The following C5orf34 variants were observed in gnomAD, a reference collection of about 807,000 sequenced individuals.
The protein encoded by C5orf34 is chromosome 5 open reading frame 34.
In C5orf34, 73 loss-of-function variants were observed where a neutral mutation model predicts 78.4. That is an observed-to-expected ratio of 0.93 (90% confidence interval 0.77 to 1.13). The LOEUF (loss-of-function observed/expected upper bound fraction) is 1.13, where lower values mean the gene tolerates loss of function less well. Ranked by LOEUF, C5orf34 falls within the 50% of genes most tolerant of loss-of-function variation. The pLI is 0.00. For missense variants in C5orf34, 730 were observed against 732.7 expected (o/e 1.00, Z 0.04); for synonymous variants, 251 against 246.6 (o/e 1.02, Z -0.17).
intron 2 of C5orf34, 51 bp downstream of exon 2, chr5:43,509,094 G>C (rs745619641): frequency 6.9e-6 from 10 of 1,459,204 alleles, no homozygotes; most frequent in Non-Finnish European, 9.4e-6. Flanking sequence ...GACAGAGCAA[G>C]AACCTGTCTC....
Position 43,509,555 on chromosome 5 carries a change from C to T in C5orf34, c.-36-180G>A, listed in dbSNP as rs192322862. On this transcript the variant is annotated intron_variant, in intron 1 of 12. Transcript: ENST00000306862. The stretch of plus-strand genomic sequence containing the variant: ...ATCCTTAACAAAATGCCTTAATTAA[C>T]CCCTAGAAGTTTACTCCAATGGAGG... Among the ~76,000 whole-genome samples the T allele has an allele frequency of 3.7e-4, 57 of 152,100 alleles. 1 individual carries two copies. Among genetic ancestry groups the T allele is most frequent in the Middle Eastern group, 3.4e-3 (1 of 294 alleles).
At chr5:43,487,162 A>C (rs375813679) in intron 12 of C5orf34, 51 bp from the exon 13 acceptor site, 86 of 853,368 alleles carry the variant, frequency 1.0e-4, no homozygotes, top group Non-Finnish European at 1.4e-4. Flanking sequence ...CTATATAAAT[A>C]TCTTTATATA....
chr5:43,496,054 C>G (rs1406449328), intron 6 of C5orf34: 3 of 1,585,190 alleles, frequency 1.9e-6, no homozygotes, highest in African/African-American at 1.3e-5. Context: ...GAAGGGCATG[C>G]TCTCAGGTCT....
At chr5:43,492,048 T>G (rs1382686897) in intron 10 of C5orf34, among the ~76,000 whole-genome samples, 167 bp downstream of exon 10, 1 of 150,588 alleles carries the variant, frequency 6.6e-6, no homozygotes, top group Non-Finnish European at 1.5e-5. Flanking sequence ...TATTTAGTTA[T>G]GCTAAACACA....
At chr5:43,491,373 C>T (rs962269177) in intron 10 of C5orf34, among the ~76,000 whole-genome samples, 4 of 151,840 alleles carry the variant, frequency 2.6e-5, no homozygotes, top group African/African-American at 9.7e-5. Context: ...CAAGAGGTAA[C>T]AAAAAGCTAT....
chr5:43,494,341 A>G (rs990159389), intron 7 of C5orf34, among the ~76,000 whole-genome samples, 169 bp downstream of exon 7: 10 of 152,182 alleles, frequency 6.6e-5, no homozygotes, highest in Non-Finnish European at 1.5e-4. Flanking sequence ...AAATGACACA[A>G]AAATTACCTT....
intron 5 of C5orf34, 98 bp downstream of exon 5, chr5:43,503,567 C>A (rs568731706): frequency 9.1e-5 from 76 of 833,900 alleles, no homozygotes; most frequent in Middle Eastern, 4.4e-4. Context: ...AGAACTGTGT[C>A]CTCTTCTGAG....
chr5:43,508,393 A>T (rs1035445695), intron 3 of C5orf34, among the ~76,000 whole-genome samples, 184 bp downstream of exon 3: 3 of 152,210 alleles, frequency 2.0e-5, no homozygotes, highest in African/African-American at 7.2e-5. Context: ...CCAATCTAAA[A>T]ATTCTGATTA....
In C5orf34 at chr5:43,506,040, A is replaced by G. The variant is rs758859548; in HGVS notation, c.640T>C (p.Cys214Arg). 12 of 1,614,182 alleles carry G rather than the reference A, an allele frequency of 7.4e-6. No individual in the cohort carries two copies. The Admixed American group carries it at 1.3e-4, about 18-fold the overall frequency. The change falls in exon 4 of 13, where the codon TGT (cysteine) becomes CGT (arginine). Residue 214 changes from cysteine to arginine, a missense_variant. Coordinates refer to ENST00000306862, the MANE Select transcript of C5orf34 (RefSeq NM_198566.4). ...TCCCTCCCTTCAGTTCCATTTACAC[A>G]ACTCATCTTCTTTAAAGTTTCTTTG... ...KSKETLKKMS[C>R]VNGTEGREEL...
chr5:43,491,635 A>G (rs564055540), intron 10 of C5orf34, among the ~76,000 whole-genome samples: 2 of 152,238 alleles, frequency 1.3e-5, no homozygotes, highest in Non-Finnish European at 2.9e-5. Flanking sequence ...ACCATATCCA[A>G]CCTCCACAGC....
In C5orf34 at chr5:43,495,663, G is replaced by C. The variant is rs911693586; in HGVS notation, c.1153-1062C>G. 3 of 1,581,336 alleles carry C rather than the reference G, an allele frequency of 1.9e-6. No individual in the cohort carries two copies. The African/African-American group carries it at 4.0e-5, about 21-fold the overall frequency. On this transcript the variant is annotated intron_variant, in intron 6 of 12. Coordinates refer to ENST00000306862, the MANE Select transcript of C5orf34 (RefSeq NM_198566.4). Reference sequence around the variant, plus strand: ...GGTTTGAGAACACCAGTCTCCACTCGGCCAACAGGAACAGTACCAATACCA... The same window carrying C: ...GGTTTGAGAACACCAGTCTCCACTCCGCCAACAGGAACAGTACCAATACCA...
intron 5 of C5orf34, among the ~76,000 whole-genome samples, chr5:43,502,707 T>C (rs141518863): frequency 4.1e-4 from 63 of 152,342 alleles, no homozygotes; most frequent in African/African-American, 1.4e-3. Flanking sequence ...TATGCATTTA[T>C]TTCAACAACT....
rs1745741789 is a variant in C5orf34 at position 43,501,154 on chromosome 5, C to A, written c.1152+1218G>T. 1.3e-5 allele frequency among the ~76,000 whole-genome samples: 2 copies of A among 152,338 alleles called. 1 individual carries two copies. Among genetic ancestry groups the A allele is most frequent in the African/African-American group, 4.8e-5 (2 of 41,588 alleles). ...GAGTAAAATTGAAGCTCCAGGAAGA[C>A]ACACTCCTTTTATCTTGCAATTTTG... On this transcript the variant is annotated intron_variant, in intron 6 of 12. Coordinates refer to ENST00000306862, the MANE Select transcript of C5orf34 (RefSeq NM_198566.4).
intron 6 of C5orf34, chr5:43,494,957 G>C: frequency 1.2e-6 from 1 of 853,850 alleles, no homozygotes; most frequent in Non-Finnish European, 1.9e-6. Context: ...ACGATGCATT[G>C]TTATCATTAA....
chr5:43,507,236 T>A (rs573367556), intron 3 of C5orf34, among the ~76,000 whole-genome samples: 1 of 152,208 alleles, frequency 6.6e-6, no homozygotes, highest in Non-Finnish European at 1.5e-5. Context: ...ATATAAACAG[T>A]AGATATTGCG....
At chr5:43,490,501 T>G in intron 11 of C5orf34, 130 bp downstream of exon 11, 1 of 593,472 alleles carries the variant, frequency 1.7e-6, no homozygotes, top group South Asian at 2.2e-5. Context: ...CAAAAATACT[T>G]TAGGAGTTAA....
rs750391776 is a variant in C5orf34, at chr5:43,486,933, T to C, written c.1899A>G (p.Leu633=). The C allele has an allele frequency of 3.1e-5, 47 of 1,530,166 alleles. No individual in the cohort carries two copies. In the East Asian group the frequency reaches 9.1e-4, roughly 30 times the overall value. 94.8% of individuals were successfully genotyped at this position (1,530,166 alleles called of 1,614,324 possible). The change falls in exon 13 of 13, where the codon CTA becomes CTG. Residue 633 remains leucine, a synonymous_variant. Coordinates refer to ENST00000306862, the MANE Select transcript of C5orf34 (RefSeq NM_198566.4). The part of the protein sequence containing the change: ...SEILHDIDCL[L]SNSKK ...CCATTTTTCACTTTTTAGAGTTTGA[T>C]AGAAGACAGTCAATATCGTGAAGGA...
intron 8 of C5orf34, among the ~76,000 whole-genome samples, 160 bp downstream of exon 8, chr5:43,493,383 A>C (rs1352364658): frequency 3.3e-5 from 5 of 152,264 alleles, no homozygotes; most frequent in South Asian, 4.1e-4. Context: ...CTGAACTTTC[A>C]GTGTTTGTCT....
Position 43,492,842 on chromosome 5 carries a change from A to T in C5orf34, c.1363T>A (p.Ser455Thr), listed in dbSNP as rs1170776434. The change falls in exon 9 of 13, where the codon TCA becomes ACA. Residue 455 changes from serine (S) to threonine (T), a missense_variant. Physicochemically the swap from Ser to Thr is moderately conservative, Grantham distance 58. Transcript: ENST00000306862. The part of the protein sequence containing the change: ...SNILPLVLKE[S>T]LIPSVGRFLA... Reference sequence around the variant, plus strand: ...AATCTTCCCACACTGGGTATGAGTGACTCTTTCAAAACCAAAGGCAGTATA... The same window carrying T: ...AATCTTCCCACACTGGGTATGAGTGTCTCTTTCAAAACCAAAGGCAGTATA... 3 of 1,610,886 alleles carry T rather than the reference A, an allele frequency of 1.9e-6. No homozygotes were observed. The highest frequency in any genetic ancestry group is 2.5e-6 in the Non-Finnish European group (3 of 1,177,968).
Sources: allele counts gnomAD v4.1 joint callset (sites outside exome capture counted in the v4.1 genomes callset), GRCh38; gene constraint gnomAD v4.1.1; transcripts MANE v1.5; gene names NCBI Gene and HGNC (gene_info 2026-07-23, HGNC 2026-07-21).